RBFOX1: variants seen among roughly 807,000 people sequenced by gnomAD.
RBFOX1 encodes the protein RNA binding protein fox-1 homolog 1.
Under a neutral mutation model 57.7 loss-of-function variants are expected in RBFOX1, and 8 were observed. That is an observed-to-expected ratio of 0.14 (90% CI 0.08 to 0.25). RBFOX1 has a LOEUF of 0.25. RBFOX1 is among the 10% of genes least tolerant of loss of function. RBFOX1 has a pLI of 1.00. For missense variants in RBFOX1, 611 were observed against 548.5 expected, an observed-to-expected ratio of 1.11 and a Z score of -1.14; for synonymous variants, 326 against 222.4, an observed-to-expected ratio of 1.47 and a Z score of -4.15.
At chr16:6,798,149 G>A (rs1287569097) in intron 3 of RBFOX1, among the ~76,000 whole-genome samples, 1 of 152,132 alleles carries the variant, frequency 6.6e-6, no homozygotes, top group Non-Finnish European at 1.5e-5. Flanking sequence ...GTGATTAGCA[G>A]AACAAATGAA....
chr16:5,491,360 T>A (rs1337944135), intron 2 of RBFOX1, among the ~76,000 whole-genome samples: 1 of 152,136 alleles, frequency 6.6e-6, no homozygotes, highest in Non-Finnish European at 1.5e-5. Context: ...ATTTTGCCTG[T>A]TTGGAAATTC....
rs1416482702 is a variant in RBFOX1, at chr16:7,472,953, T to TGGCTATACCTTTCATA, written c.28-45188_28-45187insACCTTTCATAGGCTAT. ...GACGTCTGAAAAACATACAGGGATT[T>TGGCTATACCTTTCATA]GGCTATGCCTTTCATAGGCTGTGTG... On this transcript the variant is annotated intron_variant, in intron 4 of 15. Coordinates refer to ENST00000550418, the MANE Select transcript of RBFOX1 (RefSeq NM_018723.4). 2.1e-3 allele frequency among the ~76,000 whole-genome samples: 181 copies of TGGCTATACCTTTCATA among 84,292 alleles called. 2 individuals are homozygous for TGGCTATACCTTTCATA. The highest frequency in any genetic ancestry group is 7.3e-3 in the Admixed American group (65 of 8,902). 55.3% of individuals were successfully genotyped at this position (84,292 alleles called of 152,430 possible). A position where few individuals can be genotyped will look rare whatever the true frequency, so the allele number is the denominator to read the frequency against.
chr16:7,533,549 C>T (rs561888512), intron 5 of RBFOX1, among the ~76,000 whole-genome samples: 1 of 152,208 alleles, frequency 6.6e-6, no homozygotes, highest in East Asian at 1.9e-4. Context: ...AACATCATCA[C>T]TTAGCCTAGC....
chr16:7,319,694 T>G (rs1276889968), intron 4 of RBFOX1, among the ~76,000 whole-genome samples: 6 of 152,160 alleles, frequency 3.9e-5, no homozygotes, highest in Admixed American at 6.5e-5. Context: ...TTTCCAGGGT[T>G]CCTTACTTAG....
chr16:6,097,254 A>G lies in RBFOX1; in HGVS notation c.-127+77262A>G, dbSNP rs554357674. Among the ~76,000 whole-genome samples the G allele has an allele frequency of 6.6e-6, 1 of 152,308 alleles. No homozygotes were observed. Among genetic ancestry groups the G allele is most frequent in the Non-Finnish European group, 1.5e-5 (1 of 68,030 alleles). On this transcript the variant is annotated intron_variant, in intron 1 of 15. Coordinates refer to ENST00000550418, the MANE Select transcript of RBFOX1 (RefSeq NM_018723.4). The surrounding 1 kb of genome is among the most constrained non-coding windows in gnomAD (Gnocchi z 5.0). ...GAGTCCATTAAACTTCTTTTTGTTTATAAATTACTCAGTCTCATGTATGTC... is the reference window on the plus strand; with the variant it reads ...GAGTCCATTAAACTTCTTTTTGTTTGTAAATTACTCAGTCTCATGTATGTC...
chr16:6,720,838 A>G (rs756716877), intron 3 of RBFOX1, among the ~76,000 whole-genome samples: 28 of 152,214 alleles, frequency 1.8e-4, no homozygotes, highest in Non-Finnish European at 3.2e-4. Flanking sequence ...GTATCCCACA[A>G]GTGAATATCA....
intron 2 of RBFOX1, among the ~76,000 whole-genome samples, chr16:6,615,085 G>A (rs769368681): frequency 5.3e-5 from 8 of 152,136 alleles, no homozygotes; most frequent in South Asian, 4.1e-4. Flanking sequence ...GGATGGTATC[G>A]TGAAAACAGT....
At chr16:6,835,049 T>C (rs993312990) in intron 3 of RBFOX1, among the ~76,000 whole-genome samples, 1 of 151,990 alleles carries the variant, frequency 6.6e-6, no homozygotes, top group Admixed American at 6.6e-5. Context: ...CCCAACACCA[T>C]GCCCCGGCTA....
At chr16:7,084,395 C>G (rs927425097) in intron 4 of RBFOX1, among the ~76,000 whole-genome samples, 1 of 152,116 alleles carries the variant, frequency 6.6e-6, no homozygotes, top group Non-Finnish European at 1.5e-5. Flanking sequence ...AACAAATAAT[C>G]TTGCTATGTA....
chr16:6,257,493 G>A (rs1251803816), intron 1 of RBFOX1, among the ~76,000 whole-genome samples: 1 of 151,858 alleles, frequency 6.6e-6, no homozygotes, highest in African/African-American at 2.4e-5. Flanking sequence ...TTGTCCTGGG[G>A]GTTTGTCGTA....
chr16:7,097,451 G>C (rs569566556), intron 4 of RBFOX1, among the ~76,000 whole-genome samples: 2 of 152,204 alleles, frequency 1.3e-5, no homozygotes, highest in African/African-American at 2.4e-5. Context: ...GGGAAAGAGA[G>C]AAGAACCCTA....
chr16:6,391,771 T>G (rs1247438841), intron 2 of RBFOX1, among the ~76,000 whole-genome samples: 1 of 152,100 alleles, frequency 6.6e-6, no homozygotes, highest in African/African-American at 2.4e-5. Context: ...GAAGATTAAG[T>G]ACAATTCTTA....
At chr16:5,478,188 C>A (rs761141994) in intron 2 of RBFOX1, among the ~76,000 whole-genome samples, 1 of 152,252 alleles carries the variant, frequency 6.6e-6, no homozygotes, top group African/African-American at 2.4e-5. Context: ...AATTTCAGAG[C>A]CTTGGCATTC....
chr16:6,861,482 C>G (rs185987467), intron 3 of RBFOX1, among the ~76,000 whole-genome samples: 6 of 108,776 alleles, frequency 5.5e-5, no homozygotes, highest in Non-Finnish European at 1.1e-4. Flanking sequence ...CCCCTCCCAA[C>G]CCCCTCCCCC....
chr16:7,522,900 T>G (rs186409461), intron 5 of RBFOX1, among the ~76,000 whole-genome samples: 1 of 152,346 alleles, frequency 6.6e-6, no homozygotes, highest in Non-Finnish European at 1.5e-5. Context: ...TTTTTACAAA[T>G]GTACCTGCAT....
intron 4 of RBFOX1, among the ~76,000 whole-genome samples, chr16:6,001,312 G>C (rs1486767383): frequency 6.6e-6 from 1 of 152,140 alleles, no homozygotes; most frequent in East Asian, 1.9e-4. Context: ...ATTTATGTAA[G>C]AGTTACTGGC....
rs901698777 is a variant in RBFOX1, at chr16:5,591,769, C to G, written c.259-7133C>G. ...TCACTATAACTTATTTACTTGGCAT[C>G]TGAATAATGGAATTTATGTTGTTCC... On this transcript the variant is annotated intron_variant, in intron 2 of 2. Transcript: ENST00000585867. 2.6e-5 allele frequency among the ~76,000 whole-genome samples: 4 copies of G among 152,258 alleles called. No individual in the cohort carries two copies. In the South Asian group the frequency reaches 6.2e-4, roughly 24 times the overall value.
intron 4 of RBFOX1, among the ~76,000 whole-genome samples, chr16:7,402,263 G>C (rs2098257295): frequency 6.6e-6 from 1 of 152,166 alleles, no homozygotes; most frequent in African/African-American, 2.4e-5. Context: ...AAGTTATTCA[G>C]TCCCGGACGT....
intron 14 of RBFOX1, among the ~76,000 whole-genome samples, chr16:7,686,177 G>T (rs556522354): frequency 6.6e-6 from 1 of 150,564 alleles, no homozygotes; most frequent in South Asian, 2.1e-4. Flanking sequence ...ATCGTGTTCT[G>T]TTCTCGAGTG....
Sources: allele counts gnomAD v4.1 joint callset (sites outside exome capture counted in the v4.1 genomes callset), GRCh38; gene constraint gnomAD v4.1.1; non-coding constraint Gnocchi (gnomAD v3.1); transcripts MANE v1.5; gene names NCBI Gene and HGNC (gene_info 2026-07-23, HGNC 2026-07-21).